The following GPR89B variants were observed in gnomAD, a reference collection of about 807,000 sequenced individuals.
GPR89B encodes G protein-coupled receptor 89B.
GPR89B carries 25 observed loss-of-function variants against 52.4 expected under a neutral mutation model. That is an observed-to-expected ratio of 0.48 (90% CI 0.35 to 0.67). The LOEUF (loss-of-function observed/expected upper bound fraction) is 0.67, where lower values mean the gene tolerates loss of function less well. Ranked by LOEUF, GPR89B falls within the 30% of genes least tolerant of loss-of-function variation. GPR89B has a pLI of 0.01. For synonymous variants in GPR89B, 52 were observed against 151.2 expected, an observed-to-expected ratio of 0.34 and a Z score of 4.81; for missense variants, 146 against 450.2, an observed-to-expected ratio of 0.32 and a Z score of 6.11.
At chr1:147,944,624 A>G (rs1654806076) in intron 5 of GPR89B, among the ~76,000 whole-genome samples, 1 of 126,524 alleles carries the variant, frequency 7.9e-6, no homozygotes, top group African/African-American at 3.0e-5. Context: ...GTGACATAAA[A>G]CACCCACAAT....
At chr1:148,023,419 C>T in the GPR89B span, among the ~76,000 whole-genome samples, 1 of 145,636 alleles carries the variant, frequency 6.9e-6, no homozygotes, top group Non-Finnish European at 1.5e-5. Flanking sequence ...GCGCATGTGT[C>T]TTTTTGTTTT....
chr1:147,988,998 TTGA>T (rs1393022850), intron 12 of GPR89B, among the ~76,000 whole-genome samples: 3 of 139,578 alleles, frequency 2.1e-5, no homozygotes, highest in East Asian at 2.0e-4. Flanking sequence ...ACTACATAAA[TTGA>T]TGATGATATA....
intron 7 of GPR89B, among the ~76,000 whole-genome samples, chr1:147,954,928 CAG>C (rs1656005529): frequency 1.3e-5 from 2 of 152,066 alleles, no homozygotes; most frequent in East Asian, 3.9e-4. Flanking sequence ...AATTTACTCT[CAG>C]TGATTTTGAA....
At chr1:148,012,818 G>A in the GPR89B span, among the ~76,000 whole-genome samples, 1 of 148,872 alleles carries the variant, frequency 6.7e-6, no homozygotes, top group African/African-American at 2.6e-5. Flanking sequence ...CATTAAAAGT[G>A]TATACATTGA....
intron 7 of GPR89B, among the ~76,000 whole-genome samples, chr1:147,958,015 C>T (rs2797010): frequency 2.1e-5 from 3 of 145,718 alleles, no homozygotes; most frequent in African/African-American, 5.4e-5. Context: ...GGTAAGCCCA[C>T]ATCGCGCCAC....
chr1:148,015,293 A>ATCTCTCTCTC, the GPR89B span, among the ~76,000 whole-genome samples: 1,091 of 69,408 alleles, frequency 0.016, 11 homozygotes, highest in Admixed American at 0.029. Context: ...GGATTCTAGG[A>ATCTCTCTCTC]TCTCTCTCTC....
At chr1:147,944,144 T>G in intron 5 of GPR89B, 46 bp downstream of exon 5, 1 of 1,587,128 alleles carries the variant, frequency 6.3e-7, no homozygotes, top group Non-Finnish European at 8.5e-7. Flanking sequence ...AGAAGATTTG[T>G]TTAATTTTCT....
At chr1:147,989,606 G>C (rs1382591369) in intron 12 of GPR89B, among the ~76,000 whole-genome samples, 2 of 151,212 alleles carry the variant, frequency 1.3e-5, no homozygotes, top group Non-Finnish European at 2.9e-5. Flanking sequence ...GACAAGCCTC[G>C]GTGTGTGATG....
chr1:148,000,292 G>A, the GPR89B span, among the ~76,000 whole-genome samples: 2 of 150,532 alleles, frequency 1.3e-5, no homozygotes, highest in African/African-American at 4.9e-5. Context: ...GCACATAAAC[G>A]GTTAGGAACA....
chr1:147,972,591 T>C (rs1657550296), intron 10 of GPR89B, among the ~76,000 whole-genome samples: 1 of 152,008 alleles, frequency 6.6e-6, no homozygotes, highest in Non-Finnish European at 1.5e-5. Context: ...TGAGCATCTT[T>C]TCATGTGCTT....
At chr1:147,973,172 A>C (rs1657599057) in intron 10 of GPR89B, among the ~76,000 whole-genome samples, 1 of 151,606 alleles carries the variant, frequency 6.6e-6, no homozygotes, top group South Asian at 2.1e-4. Flanking sequence ...TTGGGTATAT[A>C]CCCAGTAATG....
At chr1:148,013,002 G>A in the GPR89B span, among the ~76,000 whole-genome samples, 78 of 152,188 alleles carry the variant, frequency 5.1e-4, 2 homozygotes, top group Admixed American at 7.8e-4. Flanking sequence ...AATGAAAAAT[G>A]CAGCTGTTAA....
At chr1:147,949,549 A>C in intron 5 of GPR89B, among the ~76,000 whole-genome samples, 2 of 121,136 alleles carry the variant, frequency 1.7e-5, no homozygotes, top group African/African-American at 3.6e-5. Flanking sequence ...CACCTCCCGG[A>C]CGGGGCGGCT....
chr1:147,934,771 T>A (rs587659053), intron 1 of GPR89B, among the ~76,000 whole-genome samples: 74 of 152,242 alleles, frequency 4.9e-4, no homozygotes, highest in African/African-American at 1.7e-3. Flanking sequence ...ATTTATGTAC[T>A]GTCTTCACTA....
chr1:147,973,158 TC>T (rs2149081129), intron 10 of GPR89B, among the ~76,000 whole-genome samples: 1 of 151,888 alleles, frequency 6.6e-6, no homozygotes, highest in East Asian at 1.9e-4. Flanking sequence ...TGATTTATAT[TC>T]CTTTGGGTAT....
chr1:147,978,084 G>C (rs1657971643), intron 10 of GPR89B, among the ~76,000 whole-genome samples: 2 of 150,590 alleles, frequency 1.3e-5, no homozygotes, highest in Admixed American at 6.6e-5. Context: ...GGCTTTTTGA[G>C]TTGTCACCGT....
chr1:147,994,488 A>T (rs1659266420), downstream of GPR89B: 1 of 560,736 alleles, frequency 1.8e-6, no homozygotes, highest in African/African-American at 1.9e-5. Flanking sequence ...CATGCAGTTG[A>T]CAGCAATTGT....
intron 10 of GPR89B, among the ~76,000 whole-genome samples, chr1:147,982,055 A>AT (rs1658295869): frequency 6.7e-6 from 1 of 148,964 alleles, no homozygotes; most frequent in Non-Finnish European, 1.5e-5. Flanking sequence ...TAACCTTTTT[A>AT]TTTATTTATT....
At chr1:148,006,945 G>T in the GPR89B span, among the ~76,000 whole-genome samples, 1 of 151,236 alleles carries the variant, frequency 6.6e-6, no homozygotes, top group African/African-American at 2.4e-5. Context: ...TCGAACTCCT[G>T]ACCTCAGGTA....
Sources: allele counts gnomAD v4.1 joint callset (sites outside exome capture counted in the v4.1 genomes callset), GRCh38; gene constraint gnomAD v4.1.1; transcripts MANE v1.5; gene names NCBI Gene and HGNC (gene_info 2026-07-23, HGNC 2026-07-21).